APBA2: variants seen among roughly 807,000 people sequenced by gnomAD.
The protein encoded by APBA2 is amyloid-beta A4 precursor protein-binding family A member 2.
A neutral mutation model predicts 75.0 loss-of-function variants in APBA2; 30 were observed. The observed-to-expected ratio is 0.40, with a 90% CI of 0.30 to 0.54. The LOEUF is 0.54. Among genes scored for constraint, APBA2 ranks in the 20% least tolerant of loss-of-function variants. The pLI is 0.49. For synonymous variants in APBA2, 444 were observed against 409.6 expected, an observed-to-expected ratio of 1.08 and a Z score of -1.01; for missense variants, 801 against 1,016.1, an observed-to-expected ratio of 0.79 and a Z score of 2.88.
chr15:28,892,983 G>C (rs1012624635), intron 1 of APBA2, among the ~76,000 whole-genome samples: 5 of 152,198 alleles, frequency 3.3e-5, no homozygotes, highest in African/African-American at 1.2e-4. Context: ...CATAGTTTCT[G>C]TTTCTCAGTC....
chr15:29,078,625 CAAAACAA>C (rs894901686), intron 6 of APBA2, among the ~76,000 whole-genome samples: 1 of 147,574 alleles, frequency 6.8e-6, no homozygotes, highest in Non-Finnish European at 1.5e-5. Context: ...AAAAAAAAAA[CAAAACAA>C]AAAACAAAAA....
chr15:28,978,140 C>T (rs917688391), intron 2 of APBA2, among the ~76,000 whole-genome samples: 3 of 152,214 alleles, frequency 2.0e-5, no homozygotes, highest in Non-Finnish European at 4.4e-5. Context: ...TTCCAGCTTT[C>T]CTCTCACTAC....
At chr15:29,100,817 G>C in intron 9 of APBA2, among the ~76,000 whole-genome samples, 1 of 152,212 alleles carries the variant, frequency 6.6e-6, no homozygotes, top group East Asian at 1.9e-4. Flanking sequence ...GGGAATGTAT[G>C]GGTTTCACTA....
chr15:29,093,352 C>T, intron 7 of APBA2, 132 bp downstream of exon 7: 1 of 1,367,178 alleles, frequency 7.3e-7, no homozygotes. Flanking sequence ...GCAGGAGCGG[C>T]CCAGGTGCCA....
At chr15:28,939,177 A>G (rs58555133) in intron 2 of APBA2, among the ~76,000 whole-genome samples, 19,376 of 152,172 alleles carry the variant, frequency 0.13, 2,539 homozygotes, top group East Asian at 0.33. Context: ...ACGTTGTGGC[A>G]TGCGTCAGAA....
intron 2 of APBA2, among the ~76,000 whole-genome samples, chr15:28,987,156 A>G (rs1328452325): frequency 6.6e-6 from 1 of 152,252 alleles, no homozygotes; most frequent in Admixed American, 6.5e-5. Flanking sequence ...GCAGCATACA[A>G]AAATGTAACA....
intron 2 of APBA2, among the ~76,000 whole-genome samples, chr15:28,980,025 C>T (rs778219115): frequency 3.3e-5 from 5 of 152,108 alleles, no homozygotes; most frequent in Admixed American, 1.3e-4. Flanking sequence ...TAATGTGAGC[C>T]GGGGTCAAAG....
At chr15:28,890,349 G>C (rs1377935368) in intron 1 of APBA2, among the ~76,000 whole-genome samples, 1 of 152,198 alleles carries the variant, frequency 6.6e-6, no homozygotes, top group Non-Finnish European at 1.5e-5. Flanking sequence ...GGCGGTCCCT[G>C]CTGCCAAAGT....
At chr15:29,017,683 C>A (rs1238791237) in intron 3 of APBA2, among the ~76,000 whole-genome samples, 15 of 152,048 alleles carry the variant, frequency 9.9e-5, no homozygotes, top group Admixed American at 9.8e-4. Flanking sequence ...ATCTTCTTTT[C>A]TTTCCGTTCT....
intron 4 of APBA2, among the ~76,000 whole-genome samples, chr15:29,056,616 C>CCT (rs1474791778): frequency 1.8e-3 from 104 of 58,582 alleles, no homozygotes; most frequent in African/African-American, 8.2e-3. Context: ...CTCCCTCCTT[C>CCT]TCTCCCTCCC....
intron 1 of APBA2, among the ~76,000 whole-genome samples, chr15:28,914,166 C>T (rs971573886): frequency 6.6e-6 from 1 of 152,150 alleles, no homozygotes. Context: ...CTTGCACTTT[C>T]CATTGGTGCT....
At chr15:28,986,067 T>C (rs1171361862) in intron 2 of APBA2, among the ~76,000 whole-genome samples, 1 of 152,148 alleles carries the variant, frequency 6.6e-6, no homozygotes, top group East Asian at 1.9e-4. Flanking sequence ...AAAATTAATA[T>C]CGTAATGCAG....
At chr15:29,089,602 A>T (rs1165678404) in intron 6 of APBA2, among the ~76,000 whole-genome samples, 1 of 152,130 alleles carries the variant, frequency 6.6e-6, no homozygotes, top group Non-Finnish European at 1.5e-5. Context: ...TTTTCTTCAA[A>T]GGTGGCAGGA....
chr15:29,042,922 G>A (rs966225661), intron 3 of APBA2, among the ~76,000 whole-genome samples: 3 of 152,064 alleles, frequency 2.0e-5, no homozygotes, highest in East Asian at 1.9e-4. Context: ...TGCTGGTAAC[G>A]TTCTGTGTTC....
At chr15:29,001,573 G>C (rs2038847672) in intron 3 of APBA2, among the ~76,000 whole-genome samples, 1 of 152,208 alleles carries the variant, frequency 6.6e-6, no homozygotes. Flanking sequence ...GTTGGGGGCG[G>C]GTAGATTGTG....
chr15:28,915,298 A>G (rs2033637193), intron 1 of APBA2, among the ~76,000 whole-genome samples: 1 of 150,768 alleles, frequency 6.6e-6, no homozygotes. Context: ...CATACCCCAT[A>G]TACACCACAC....
At chr15:29,006,990 C>T (rs2039151463) in intron 3 of APBA2, among the ~76,000 whole-genome samples, 1 of 152,188 alleles carries the variant, frequency 6.6e-6, no homozygotes, top group Admixed American at 6.5e-5. Flanking sequence ...GGCGATCTCA[C>T]ACTTCCTAAT....
intron 13 of APBA2, 109 bp downstream of exon 13, chr15:29,108,498 G>T (rs2044556343): frequency 6.4e-7 from 1 of 1,570,588 alleles, no homozygotes; most frequent in African/African-American, 1.3e-5. Flanking sequence ...GGTAGGACCT[G>T]GCCTGTGGTT....
chr15:29,055,232 G>A (rs1370839436), intron 4 of APBA2, among the ~76,000 whole-genome samples: 1 of 152,204 alleles, frequency 6.6e-6, no homozygotes, highest in Non-Finnish European at 1.5e-5. Context: ...AAGACGTGGG[G>A]GTGCTGGTGC....
Sources: gnomAD v4.1 joint callset for allele counts (sites outside exome capture counted in the v4.1 genomes callset) on GRCh38, gnomAD v4.1.1 for gene constraint, MANE v1.5 for transcripts, NCBI Gene and HGNC (gene_info 2026-07-23, HGNC 2026-07-21) for gene names.